The following TMBIM4 variants were observed in gnomAD, a reference collection of about 807,000 sequenced individuals.
TMBIM4 encodes protein lifeguard 4.
In TMBIM4, 28 loss-of-function variants were observed where a neutral mutation model predicts 27.7. The observed-to-expected ratio is 1.01, with a 90% CI of 0.75 to 1.38. The LOEUF is 1.38. Among genes scored for constraint, TMBIM4 ranks in the 40% most tolerant of loss-of-function variants. The pLI, the probability that TMBIM4 is intolerant of heterozygous loss-of-function variation, is 0.00. For synonymous variants in TMBIM4, 115 were observed against 113.1 expected, an observed-to-expected ratio of 1.02 and a Z score of -0.11; for missense variants, 265 against 277.5, an observed-to-expected ratio of 0.95 and a Z score of 0.32.
chr12:66,166,290 C>T (rs754924440), intron 1 of TMBIM4, among the ~76,000 whole-genome samples: 1 of 151,606 alleles, frequency 6.6e-6, no homozygotes, highest in Non-Finnish European at 1.5e-5. Flanking sequence ...CATGACGAAA[C>T]CTGTCTCTTC....
intron 1 of TMBIM4, among the ~76,000 whole-genome samples, chr12:66,162,938 A>T: frequency 6.6e-6 from 1 of 152,246 alleles, no homozygotes. Flanking sequence ...CCTTAAGAAC[A>T]GTGACTGTGA....
At chr12:66,139,549 A>G (rs11176056) in intron 5 of TMBIM4, 152,837 of 450,292 alleles carry the variant, frequency 0.34, 27,110 homozygotes, top group South Asian at 0.4. Context: ...TTTCCAGGCC[A>G]GCGTGTAGGG....
chr12:66,150,371 C>T lies in TMBIM4; in HGVS notation c.312+1900G>A, dbSNP rs139961891. Among the ~76,000 whole-genome samples, 650 of 152,052 alleles carry T rather than the reference C, an allele frequency of 4.3e-3. 7 individuals are homozygous for T. Among genetic ancestry groups the T allele is most frequent in the African/African-American group, 0.015 (620 of 41,482 alleles). The stretch of plus-strand genomic sequence containing the variant: ...AGTGTACCAATCAGATTCTTTCTCT[C>T]TCCTTTCTTCCTTCCTTCCTTCCTT... On this transcript the variant is annotated intron_variant, in intron 3 of 6. Coordinates refer to ENST00000358230, the MANE Select transcript of TMBIM4 (RefSeq NM_016056.4).
At chr12:66,159,356 A>C (rs2051997202) in intron 1 of TMBIM4, among the ~76,000 whole-genome samples, 2 of 152,164 alleles carry the variant, frequency 1.3e-5, no homozygotes, top group Non-Finnish European at 2.9e-5. Flanking sequence ...GTGGCAAGGA[A>C]CTGAGGCCTC....
chr12:66,166,327 T>C (rs147137262), intron 1 of TMBIM4, among the ~76,000 whole-genome samples: 2 of 151,714 alleles, frequency 1.3e-5, no homozygotes, highest in Admixed American at 6.6e-5. Flanking sequence ...TAGCTAGGCA[T>C]GGTGGCATGT....
At chr12:66,166,464 C>CAAAAAAAAAAAAAAAA (rs59822799) in intron 1 of TMBIM4, among the ~76,000 whole-genome samples, 1 of 100,706 alleles carries the variant, frequency 9.9e-6, no homozygotes, top group African/African-American at 3.8e-5. Flanking sequence ...TACTTTGTCT[C>CAAAAAAAAAAAAAAAA]AAAAAAAAAA....
At position 66,138,726 on chromosome 12, in the gene TMBIM4, T is replaced by C; in HGVS notation, c.508A>G (p.Lys170Glu). The part of the protein sequence containing the change: ...LWILCLSGFL[K>E]FFFYSEIMEL... Reference sequence around the variant, plus strand: ...TTAACCATTATAACATAACTTACCTTCAAGAATCCTGACAGGCACAATATC... The same window carrying C: ...TTAACCATTATAACATAACTTACCTCCAAGAATCCTGACAGGCACAATATC... The change falls in exon 6 of 7, where the codon AAG becomes GAG. Residue 170 changes from lysine to glutamate, a missense_variant and splice_region_variant. Coordinates refer to ENST00000358230, the MANE Select transcript of TMBIM4 (RefSeq NM_016056.4). 1.3e-6 allele frequency: 2 copies of C among 1,550,746 alleles called. No homozygotes were observed. Among genetic ancestry groups the C allele is most frequent in the Non-Finnish European group, 1.7e-6 (2 of 1,158,626 alleles).
In TMBIM4 at chr12:66,137,113, G is replaced by A. The variant is rs1013853334; in HGVS notation, c.*847C>T. The A allele has an allele frequency of 2.0e-5, 3 of 152,052 alleles. No individual in the cohort carries two copies. Among genetic ancestry groups the A allele is most frequent in the East Asian group, 3.8e-4 (2 of 5,202 alleles). 9.4% of individuals were successfully genotyped at this position (152,052 alleles called of 1,614,324 possible). A position where few individuals can be genotyped will look rare whatever the true frequency, so the allele number is the denominator to read the frequency against. On this transcript the variant is annotated 3_prime_UTR_variant, in exon 7 of 7. Coordinates refer to ENST00000358230, the MANE Select transcript of TMBIM4 (RefSeq NM_016056.4). ...ACTTTCAGGCCAACTTTTAATGTTA[G>A]TACAATTTAAAATAAAAAGTCATTA...
intron 5 of TMBIM4, among the ~76,000 whole-genome samples, chr12:66,143,731 T>C (rs908209795): frequency 6.6e-6 from 1 of 152,190 alleles, no homozygotes; most frequent in Admixed American, 6.5e-5. Context: ...CTTCAGTCCC[T>C]ATTATGTCCC....
At chr12:66,142,992 A>G (rs1177094967) in intron 5 of TMBIM4, among the ~76,000 whole-genome samples, 1 of 152,178 alleles carries the variant, frequency 6.6e-6, no homozygotes, top group Non-Finnish European at 1.5e-5. Flanking sequence ...CTCCCTGGTT[A>G]AGCAGCATGC....
chr12:66,154,570 G>T (rs2051901982), intron 1 of TMBIM4, among the ~76,000 whole-genome samples: 1 of 152,192 alleles, frequency 6.6e-6, no homozygotes, highest in Admixed American at 6.5e-5. Context: ...AGAGGACTGT[G>T]CTTAGGCAGG....
chr12:66,136,087 A>AAAG lies in TMBIM4; in HGVS notation c.*1872_*1873insCTT, dbSNP rs1352930022. On this transcript the variant is annotated 3_prime_UTR_variant, in exon 7 of 7. Coordinates refer to ENST00000358230, the MANE Select transcript of TMBIM4 (RefSeq NM_016056.4). ...AAAATAAATTAAAAAAAAAAAAAAA[A>AAAG]AAAAAAAAAGAAAATGGTATTAATA... The AAAG allele has an allele frequency of 8.2e-5, 3 of 36,710 alleles. 1 individual carries two copies. The highest frequency in any genetic ancestry group is 4.6e-4 in the African/African-American group (2 of 4,374). 2.3% of individuals were successfully genotyped at this position (36,710 alleles called of 1,614,324 possible).
intron 5 of TMBIM4, 120 bp from the exon 6 acceptor site, chr12:66,138,889 A>C: frequency 7.7e-7 from 1 of 1,299,612 alleles, no homozygotes; most frequent in Non-Finnish European, 9.9e-7. Context: ...AATAACTAAA[A>C]TGTAAGAATT....
chr12:66,162,707 C>G (rs923987345), intron 1 of TMBIM4, among the ~76,000 whole-genome samples: 1 of 152,202 alleles, frequency 6.6e-6, no homozygotes, highest in African/African-American at 2.4e-5. Flanking sequence ...CCAACCTTCT[C>G]TTTGTTCCTC....
intron 4 of TMBIM4, 24 bp from the exon 5 acceptor site, chr12:66,145,982 ACATG>A (rs1189435781): frequency 7.9e-7 from 1 of 1,265,822 alleles, no homozygotes; most frequent in Non-Finnish European, 1.1e-6. Context: ...ACACTGATTA[ACATG>A]CATATAAACA....
At chr12:66,139,585 G>A (rs1025640485) in intron 5 of TMBIM4, 15 of 455,754 alleles carry the variant, frequency 3.3e-5, no homozygotes, top group Non-Finnish European at 5.3e-5. Flanking sequence ...GTCACTTGCG[G>A]TCTCCTTGAG....
rs749866795 is a variant in TMBIM4, at chr12:66,137,989, G to T, written c.688C>A (p.Arg230=). The T allele has an allele frequency of 1.2e-6, 2 of 1,613,630 alleles. No homozygotes were observed. The highest frequency in any genetic ancestry group is 8.5e-7 in the Non-Finnish European group (1 of 1,179,962). ...DIINLFLHLL[R]FLEAVNKK ...TTTTTATTAACTGCTTCCAGAAACC[G>T]TAACAGGTGCAGGAATAGATTGATG... The change falls in exon 7 of 7, where the codon CGG becomes AGG. Residue 230 remains arginine (R), a synonymous_variant. Transcript: ENST00000358230.
Position 66,156,152 on chromosome 12 carries a change from A to T in TMBIM4, c.98-2704T>A, listed in dbSNP as rs1272472028. 3.9e-5 allele frequency among the ~76,000 whole-genome samples: 6 copies of T among 152,344 alleles called. No homozygotes were observed. In the East Asian group the frequency reaches 9.7e-4, roughly 25 times the overall value. On this transcript the variant is annotated intron_variant, in intron 1 of 6. Transcript: ENST00000358230. ...AGGACATGCATATACAGCTTTCAGG[A>T]AAATATAAAAGATTCAATATGAAAA... is the stretch of plus-strand genomic sequence containing the variant.
chr12:66,152,257 G>A lies in TMBIM4; in HGVS notation c.312+14C>T. On this transcript the variant is annotated intron_variant, in intron 3 of 6. Transcript: ENST00000358230. ...AATAATTGTTAAGGGAATAGAGAAA[G>A]TCAGAGTACTCACAAATCCAAAAAG... 1 of 1,490,040 alleles carries A rather than the reference G, an allele frequency of 6.7e-7. No individual in the cohort carries two copies. The highest frequency in any genetic ancestry group is 1.2e-5 in the South Asian group (1 of 80,732). The allele number at this position is 1,490,040 out of a possible 1,614,324, so 92.3% of individuals were successfully genotyped here.
Sources: allele counts gnomAD v4.1 joint callset (sites outside exome capture counted in the v4.1 genomes callset), GRCh38; gene constraint gnomAD v4.1.1; transcripts MANE v1.5; gene names NCBI Gene and HGNC (gene_info 2026-07-23, HGNC 2026-07-21).